JADE2: variants seen among roughly 807,000 people sequenced by gnomAD.
JADE2 encodes E3 ubiquitin-protein ligase Jade-2.
Under a neutral mutation model 85.7 loss-of-function variants are expected in JADE2, and 13 were observed. The ratio of observed to expected loss-of-function variants is 0.15; its 90% CI spans 0.10 to 0.24. The LOEUF (loss-of-function observed/expected upper bound fraction) is 0.24, where lower values mean the gene tolerates loss of function less well. JADE2 is among the 10% of genes least tolerant of loss of function. The pLI is 1.00. For missense variants in JADE2, 846 were observed against 1,115.9 expected (o/e 0.76, Z 3.45); for synonymous variants, 440 against 456.1 (o/e 0.96, Z 0.45).
upstream of JADE2, among the ~76,000 whole-genome samples, chr5:134,525,033 C>T (rs1282510216): frequency 3.3e-5 from 5 of 152,024 alleles, no homozygotes. Context: ...CAGTGCAAAC[C>T]TCGTTCCCTC....
chr5:134,567,083 G>T (rs1314611488), intron 9 of JADE2, among the ~76,000 whole-genome samples: 1 of 152,252 alleles, frequency 6.6e-6, no homozygotes, highest in South Asian at 2.1e-4. Flanking sequence ...TGCCGGGCCA[G>T]GGCAGGGTAG....
Position 134,559,886 on chromosome 5 carries a change from T to A in JADE2, c.368T>A (p.Leu123His). ...PAQASPSSTM[L>H]GEGSQPDWPG... Reference sequence around the variant, plus strand: ...CAGGCATCCCCGAGCAGCACCATGCTTGGTGAGGGCTCCCAGCCTGATTGG... The same window carrying A: ...CAGGCATCCCCGAGCAGCACCATGCATGGTGAGGGCTCCCAGCCTGATTGG... Residue 123 changes from leucine (L) to histidine (H), a missense_variant, in exon 5 of 12, where the codon CTT (leucine) becomes CAT (histidine). This residue lies in a region of JADE2 where 78 missense variants were observed against 64.9 expected (regional missense o/e 1.20). Coordinates refer to ENST00000681547, the MANE Select transcript of JADE2 (RefSeq NM_001388185.1). The A allele has an allele frequency of 6.2e-7, 1 of 1,614,046 alleles. No individual in the cohort carries two copies.
intron 1 of JADE2, among the ~76,000 whole-genome samples, chr5:134,529,653 G>A (rs1761101342): frequency 6.6e-6 from 1 of 152,206 alleles, no homozygotes; most frequent in African/African-American, 2.4e-5. Flanking sequence ...TTATACCTGG[G>A]GAGGGTCCCC....
At position 134,566,901 on chromosome 5, in the gene JADE2, G is replaced by A. The variant is rs531308652; in HGVS notation, c.1434+321G>A. Among the ~76,000 whole-genome samples the A allele has an allele frequency of 3.3e-5, 5 of 152,340 alleles. No homozygotes were observed. The highest frequency in any genetic ancestry group is 1.9e-4 in the East Asian group (1 of 5,186). ...AGGCTGAGAGCACCAGAGCTAGGGC[G>A]AGGACCTAGGCTTCTGGCACTTGCT... is the stretch of plus-strand genomic sequence containing the variant. On this transcript the variant is annotated intron_variant, in intron 9 of 11. Transcript: ENST00000681547. This position sits in a 1 kb window ranked among gnomAD's most constrained non-coding sequence, Gnocchi z 6.7.
At chr5:134,542,458 T>G (rs894015477) in intron 3 of JADE2, among the ~76,000 whole-genome samples, 2 of 123,382 alleles carry the variant, frequency 1.6e-5, no homozygotes, top group African/African-American at 6.2e-5. Context: ...TTTTTTTTTT[T>G]GAGATGGAGT....
At chr5:134,574,037 G>T in intron 10 of JADE2, 1 of 515,502 alleles carries the variant, frequency 1.9e-6, no homozygotes, top group South Asian at 1.9e-5. Context: ...GGCCACAGCA[G>T]TTCAGGAGCT....
rs1764754491 is a variant in JADE2, at chr5:134,582,419, A to T, written c.*3102A>T. 2 of 22,096 alleles carry T rather than the reference A, an allele frequency of 9.1e-5. No homozygotes were observed. Among genetic ancestry groups the T allele is most frequent in the South Asian group, 2.2e-3 (1 of 446 alleles). The allele number at this position is 22,096 out of a possible 1,614,324, so 1.4% of individuals were successfully genotyped here. A position where few individuals can be genotyped will look rare whatever the true frequency, so the allele number is the denominator to read the frequency against. On this transcript the variant is annotated 3_prime_UTR_variant, in exon 12 of 12. Coordinates refer to ENST00000681547, the MANE Select transcript of JADE2 (RefSeq NM_001388185.1). ...TCCGTATGCAGGCATGCCTGTGTAT[A>T]CTGTGTATGGGCACACTGGGACTAG... is the stretch of plus-strand genomic sequence containing the variant.
rs1198368158 is a variant in JADE2 at position 134,579,581 on chromosome 5, G to A, written c.*264G>A. The A allele has an allele frequency of 4.4e-6, 2 of 449,860 alleles. No individual in the cohort carries two copies. Among genetic ancestry groups the A allele is most frequent in the South Asian group, 4.4e-5 (1 of 22,868 alleles). The allele number at this position is 449,860 out of a possible 1,614,324, so 27.9% of individuals were successfully genotyped here. A position where few individuals can be genotyped will look rare whatever the true frequency, so the allele number is the denominator to read the frequency against. On this transcript the variant is annotated 3_prime_UTR_variant, in exon 12 of 12. Coordinates refer to ENST00000681547, the MANE Select transcript of JADE2 (RefSeq NM_001388185.1). The surrounding 1 kb of genome is among the most constrained non-coding windows in gnomAD (Gnocchi z 4.6). ...CGCGCACCATCCCTGCCCTGCCCAC[G>A]TGGTATTGCTGGGCTCCTGGCTAGA...
At chr5:134,544,508 G>A (rs1351795904) in intron 3 of JADE2, 1 of 166,922 alleles carries the variant, frequency 6.0e-6, no homozygotes, top group Non-Finnish European at 1.5e-5. Flanking sequence ...CGAGACTCAT[G>A]GAGCCCTGGG....
At chr5:134,525,337 C>G (rs913472033), upstream of JADE2, among the ~76,000 whole-genome samples, 2 of 151,958 alleles carry the variant, frequency 1.3e-5, no homozygotes, top group Non-Finnish European at 2.9e-5. Flanking sequence ...CGCTCGGGCC[C>G]GGCCCTGGGG....
intron 3 of JADE2, among the ~76,000 whole-genome samples, chr5:134,546,310 A>G (rs1762291897): frequency 6.6e-6 from 1 of 152,124 alleles, no homozygotes; most frequent in Non-Finnish European, 1.5e-5. Flanking sequence ...TTGGGACTAC[A>G]GGCAAGCCAC....
At position 134,562,397 on chromosome 5, in the gene JADE2, A is replaced by G; in HGVS notation, c.852+30A>G. The G allele has an allele frequency of 6.3e-7, 1 of 1,587,102 alleles. No individual in the cohort carries two copies. Among genetic ancestry groups the G allele is most frequent in the Admixed American group, 1.7e-5 (1 of 58,208 alleles). ...GTGAGCGTGGAGGTGAGGCAGCCCA[A>G]GGAATAGCCCGTGGGGAAGTGGGTC... is the stretch of plus-strand genomic sequence containing the variant. On this transcript the variant is annotated intron_variant, in intron 7 of 11. Transcript: ENST00000681547. This position sits in a 1 kb window ranked among gnomAD's most constrained non-coding sequence, Gnocchi z 4.6.
At chr5:134,552,584 G>T (rs1048738039) in intron 4 of JADE2, among the ~76,000 whole-genome samples, 2 of 152,226 alleles carry the variant, frequency 1.3e-5, no homozygotes, top group Admixed American at 6.5e-5. Flanking sequence ...ATGAAATGAC[G>T]CATGGAAGGC....
upstream of JADE2, chr5:134,524,530 C>G (rs1561715275): frequency 6.6e-6 from 1 of 152,330 alleles, no homozygotes; most frequent in Admixed American, 6.5e-5. Context: ...TTGGAAGTTA[C>G]CCCTCGGTTT....
intron 3 of JADE2, among the ~76,000 whole-genome samples, chr5:134,547,567 TAGG>T (rs1027850632): frequency 6.6e-6 from 1 of 152,254 alleles, no homozygotes; most frequent in Non-Finnish European, 1.5e-5. Context: ...AAAGGAGTTT[TAGG>T]AGAACATTTA....
At chr5:134,545,181 G>A (rs568926708) in intron 3 of JADE2, among the ~76,000 whole-genome samples, 10 of 152,266 alleles carry the variant, frequency 6.6e-5, no homozygotes, top group Admixed American at 6.5e-5. Context: ...GGGTTGGGGC[G>A]AGCCCTTCCG....
At chr5:134,577,761 C>T (rs148127168) in intron 11 of JADE2, among the ~76,000 whole-genome samples, 1 of 152,180 alleles carries the variant, frequency 6.6e-6, no homozygotes, top group African/African-American at 2.4e-5. Flanking sequence ...AGTCTCCCGT[C>T]TCGCCAGCTG....
chr5:134,560,885 G>A lies in JADE2; in HGVS notation c.612G>A (p.Val204=), dbSNP rs1253210872. 3.1e-6 allele frequency: 5 copies of A among 1,614,092 alleles called. No individual in the cohort carries two copies. The highest frequency in any genetic ancestry group is 1.1e-5 in the South Asian group (1 of 91,088). ...ACGACGAGGATGTTGTCTGCGACGT[G>A]TGTCGCTCTCCTGAGGGCGAGGATG... ...IEYDEDVVCD[V]CRSPEGEDGN... is the part of the protein sequence containing the mutation. The change falls in exon 6 of 12, where the codon GTG becomes GTA. Residue 204 remains valine (V), a synonymous_variant. Transcript: ENST00000681547.
intron 1 of JADE2, among the ~76,000 whole-genome samples, chr5:134,528,757 G>A (rs1761044064): frequency 6.6e-6 from 1 of 152,186 alleles, no homozygotes; most frequent in Non-Finnish European, 1.5e-5. Flanking sequence ...AGTGAATATT[G>A]GTTTTGAAAT....
Sources: gnomAD v4.1 joint callset for allele counts (sites outside exome capture counted in the v4.1 genomes callset) on GRCh38, gnomAD v4.1.1 for gene constraint, gnomAD v4.1.1 regional missense constraint, Gnocchi (gnomAD v3.1) non-coding constraint, MANE v1.5 for transcripts, NCBI Gene and HGNC (gene_info 2026-07-23, HGNC 2026-07-21) for gene names.